NAXD: variants seen among roughly 807,000 people sequenced by gnomAD.
The protein encoded by NAXD is ATP-dependent (S)-NAD(P)H-hydrate dehydratase.
Under a neutral mutation model 35.8 loss-of-function variants are expected in NAXD, and 22 were observed. That is an observed-to-expected ratio of 0.62 (90% confidence interval 0.44 to 0.88). The LOEUF is 0.88. Among genes scored for constraint, NAXD ranks in the 40% least tolerant of loss-of-function variants. The pLI is 0.00. For synonymous variants in NAXD, 189 were observed against 177.6 expected, an observed-to-expected ratio of 1.06 and a Z score of -0.51; for missense variants, 428 against 437.7, an observed-to-expected ratio of 0.98 and a Z score of 0.20.
At chr13:110,615,845 G>C in intron 1 of NAXD, 198 bp downstream of exon 1, 2 of 1,244,104 alleles carry the variant, frequency 1.6e-6, no homozygotes, top group Non-Finnish European at 2.0e-6. Flanking sequence ...CCGCGCGCGG[G>C]GCCGGGGCGC....
intron 3 of NAXD, among the ~76,000 whole-genome samples, chr13:110,624,793 G>A (rs1280940504): frequency 6.6e-5 from 10 of 152,200 alleles, no homozygotes; most frequent in Admixed American, 5.9e-4. Context: ...AACCTAAAGC[G>A]TGATTTGTAT....
At chr13:110,626,031 G>A (rs562417799) in intron 4 of NAXD, among the ~76,000 whole-genome samples, 2 of 152,238 alleles carry the variant, frequency 1.3e-5, no homozygotes, top group African/African-American at 2.4e-5. Context: ...GAGAGGAGCC[G>A]GCGCGGAGCT....
chr13:110,638,759 C>T lies in NAXD; in HGVS notation c.*231C>T, dbSNP rs1887046511. 6 of 686,992 alleles carry T rather than the reference C, an allele frequency of 8.7e-6. No individual in the cohort carries two copies. The highest frequency in any genetic ancestry group is 6.0e-5 in the South Asian group (4 of 66,130). 42.6% of individuals were successfully genotyped at this position (686,992 alleles called of 1,614,324 possible). ...CGACACTAAACAAAGTATTCCTGAACTTTCCTTAGCTCCTTGGTAGTAACT... is the reference window on the plus strand; with the variant it reads ...CGACACTAAACAAAGTATTCCTGAATTTTCCTTAGCTCCTTGGTAGTAACT... On this transcript the variant is annotated 3_prime_UTR_variant, in exon 10 of 10. Transcript: ENST00000680254. The surrounding 1 kb of genome is among the most constrained non-coding windows in gnomAD (Gnocchi z 5.4).
intron 9 of NAXD, among the ~76,000 whole-genome samples, chr13:110,637,568 A>G (rs59764598): frequency 0.042 from 6,323 of 152,338 alleles, 260 homozygotes; most frequent in African/African-American, 0.11. Flanking sequence ...TGTAACACAG[A>G]ATACTAAGAT....
intron 1 of NAXD, among the ~76,000 whole-genome samples, chr13:110,621,172 T>TG (rs1886249171): frequency 6.6e-6 from 1 of 152,182 alleles, no homozygotes; most frequent in South Asian, 2.1e-4. Context: ...GGAATACAGT[T>TG]GGGAGTAATA....
intron 1 of NAXD, chr13:110,615,946 C>T: frequency 2.1e-6 from 1 of 473,226 alleles, no homozygotes; most frequent in Non-Finnish European, 3.4e-6. Flanking sequence ...ATGGGAGCCT[C>T]CGTGCGGGGT....
intron 9 of NAXD, chr13:110,637,833 C>T: frequency 2.1e-6 from 1 of 468,818 alleles, no homozygotes; most frequent in African/African-American, 2.0e-5. Context: ...ATCCAGTGGC[C>T]TCATGTGTCC....
At chr13:110,615,769 AC>A in intron 1 of NAXD, 122 bp downstream of exon 1, 1 of 1,407,162 alleles carries the variant, frequency 7.1e-7, no homozygotes, top group Non-Finnish European at 9.3e-7. Context: ...CCGCCACTGG[AC>A]GCAGGTACCC....
intron 1 of NAXD, among the ~76,000 whole-genome samples, chr13:110,617,716 C>G (rs950982164): frequency 3.9e-5 from 6 of 152,192 alleles, no homozygotes; most frequent in South Asian, 2.1e-4. Flanking sequence ...AAAATAAAAA[C>G]AAAAACATGG....
rs1417962568 is a variant in NAXD, at chr13:110,622,246, C to G, written c.77C>G (p.Ala26Gly). 5 of 1,613,874 alleles carry G rather than the reference C, an allele frequency of 3.1e-6. No individual in the cohort carries two copies. The highest frequency in any genetic ancestry group is 3.4e-6 in the Non-Finnish European group (4 of 1,179,860). Residue 26 changes from alanine (A) to glycine (G), a missense_variant, in exon 2 of 10, where the codon GCA becomes GGA. By Grantham distance (60) the Ala-to-Gly change is moderately conservative. Transcript: ENST00000680254. ...GAAAGAGCGTTTTCGCTACGTAAAG[C>G]ACATTCGATAAAGGATATGGAAAAT... ...VLERAFSLRKAHSIKDMENTL... is the reference protein window; with the variant it reads ...VLERAFSLRKGHSIKDMENTL...
chr13:110,622,495 A>G, intron 2 of NAXD, 129 bp downstream of exon 2: 1 of 825,276 alleles, frequency 1.2e-6, no homozygotes, highest in South Asian at 2.0e-5. Context: ...TAGGACACTC[A>G]GTATTTTTCA....
At chr13:110,622,406 G>A in intron 2 of NAXD, 40 bp downstream of exon 2, 1 of 1,602,194 alleles carries the variant, frequency 6.2e-7, no homozygotes, top group Non-Finnish European at 8.5e-7. Flanking sequence ...TAAAAAGTCA[G>A]TTGCTGGCTG....
In NAXD at chr13:110,628,551, G is replaced by A. The variant is rs1207527836; in HGVS notation, c.441+1004G>A. 2.0e-5 allele frequency among the ~76,000 whole-genome samples: 3 copies of A among 152,084 alleles called. No homozygotes were observed. The highest frequency in any genetic ancestry group is 2.9e-5 in the Non-Finnish European group (2 of 68,024). On this transcript the variant is annotated intron_variant, in intron 5 of 9. Transcript: ENST00000680254. The surrounding 1 kb of genome is among the most constrained non-coding windows in gnomAD (Gnocchi z 4.1). ...CTCTGAGGCTGCGGGGCTTGAAGGC[G>A]GCGAGTGATGGAGCCAGCAGTGCAG...
intron 1 of NAXD, among the ~76,000 whole-genome samples, chr13:110,616,544 A>AT (rs1886063915): frequency 2.6e-5 from 4 of 152,240 alleles, no homozygotes; most frequent in Admixed American, 6.5e-5. Flanking sequence ...TTGCACGCTG[A>AT]GATGCCTTTT....
intron 1 of NAXD, among the ~76,000 whole-genome samples, chr13:110,621,237 T>C (rs1046702042): frequency 6.6e-6 from 1 of 152,240 alleles, no homozygotes; most frequent in Non-Finnish European, 1.5e-5. Context: ...GGGAGCTTGC[T>C]TTCCAGTTTG....
intron 1 of NAXD, among the ~76,000 whole-genome samples, chr13:110,619,594 G>C (rs902257135): frequency 1.3e-5 from 2 of 152,034 alleles, no homozygotes; most frequent in African/African-American, 4.8e-5. Flanking sequence ...AAAACTACAC[G>C]CATGCATCTC....
chr13:110,622,782 G>C (rs891503573), intron 2 of NAXD, among the ~76,000 whole-genome samples: 1 of 152,222 alleles, frequency 6.6e-6, no homozygotes, highest in African/African-American at 2.4e-5. Flanking sequence ...CTTCTGTTCT[G>C]TTTTGCTGCT....
At position 110,638,861 on chromosome 13, in the gene NAXD, C is replaced by A; in HGVS notation, c.*333C>A. 4.6e-6 allele frequency: 2 copies of A among 430,684 alleles called. No individual in the cohort carries two copies. The highest frequency in any genetic ancestry group is 5.3e-5 in the East Asian group (1 of 18,940). 26.7% of individuals were successfully genotyped at this position (430,684 alleles called of 1,614,324 possible). On this transcript the variant is annotated 3_prime_UTR_variant, in exon 10 of 10. Coordinates refer to ENST00000680254, the MANE Select transcript of NAXD (RefSeq NM_001242882.2). The surrounding 1 kb of genome is among the most constrained non-coding windows in gnomAD (Gnocchi z 5.4). ...CTCAACAGAGTTTCTCGGCCTGCTCCCAGATCGGCGAAGTTTCTACTTGTT... is the reference window on the plus strand; with the variant it reads ...CTCAACAGAGTTTCTCGGCCTGCTCACAGATCGGCGAAGTTTCTACTTGTT...
rs767063163 is a variant in NAXD at position 110,635,499 on chromosome 13, A to G, written c.629A>G (p.His210Arg). The G allele has an allele frequency of 6.2e-7, 1 of 1,614,150 alleles. No individual in the cohort carries two copies. The highest frequency in any genetic ancestry group is 8.5e-7 in the Non-Finnish European group (1 of 1,180,004). ...LRGPMDSDDS[H>R]GSVLRLSQAL... ...GGCCCTATGGACAGCGATGACAGCC[A>G]TGGATCTGTGCTAAGACTCAGCCAA... The change falls in exon 8 of 10, where the codon CAT becomes CGT. Residue 210 changes from histidine (H) to arginine (R), a missense_variant. Physicochemically the swap from His to Arg is conservative, Grantham distance 29. This residue lies in a region of NAXD where 209 missense variants were observed against 214.6 expected (regional missense o/e 0.97). Transcript: ENST00000680254.
Sources: gnomAD v4.1 joint callset for allele counts (sites outside exome capture counted in the v4.1 genomes callset) on GRCh38, gnomAD v4.1.1 for gene constraint, gnomAD v4.1.1 regional missense constraint, Gnocchi (gnomAD v3.1) non-coding constraint, MANE v1.5 for transcripts, NCBI Gene and HGNC (gene_info 2026-07-23, HGNC 2026-07-21) for gene names.